Variants in CDH1 observed in about 807,000 individuals in gnomAD.
CDH1 encodes cadherin 1.
In CDH1, 35 loss-of-function variants were observed where a neutral mutation model predicts 84.5. The observed-to-expected ratio is 0.41, with a 90% CI of 0.32 to 0.55. CDH1 has a LOEUF of 0.55. Ranked by LOEUF, CDH1 falls within the 20% of genes least tolerant of loss-of-function variation. The pLI, the probability that CDH1 is intolerant of heterozygous loss-of-function variation, is 0.19. For synonymous variants in CDH1, 417 were observed against 439.0 expected (o/e 0.95, Z 0.63); for missense variants, 994 against 1,126.6 (o/e 0.88, Z 1.68).
At chr16:68,786,438 C>T (rs1481951863) in intron 2 of CDH1, among the ~76,000 whole-genome samples, 3 of 147,882 alleles carry the variant, frequency 2.0e-5, no homozygotes, top group African/African-American at 7.4e-5. Flanking sequence ...TCCCAAAGTG[C>T]GGGGATTACA....
intron 3 of CDH1, among the ~76,000 whole-genome samples, chr16:68,807,759 A>G (rs575405032): frequency 6.6e-6 from 1 of 152,298 alleles, no homozygotes; most frequent in Admixed American, 6.5e-5. Context: ...CTGATATTAA[A>G]TCATCAGAGT....
intron 2 of CDH1, among the ~76,000 whole-genome samples, chr16:68,775,736 A>C (rs1242266013): frequency 6.6e-6 from 1 of 152,232 alleles, no homozygotes; most frequent in Non-Finnish European, 1.5e-5. Flanking sequence ...AGCTGATGGT[A>C]TCAGCATGTT....
chr16:68,759,166 C>T (rs959412191), intron 2 of CDH1, among the ~76,000 whole-genome samples: 3 of 152,146 alleles, frequency 2.0e-5, no homozygotes, highest in African/African-American at 7.2e-5. Flanking sequence ...TCTCAAACTC[C>T]TCGGCTCGGG....
At chr16:68,771,216 C>CT (rs1279655886) in intron 2 of CDH1, 1 of 152,286 alleles carries the variant, frequency 6.6e-6, no homozygotes, top group African/African-American at 2.4e-5. Context: ...CACACCTACG[C>CT]TTTCCTACGC....
intron 13 of CDH1, among the ~76,000 whole-genome samples, chr16:68,824,053 A>T (rs1272164874): frequency 7.3e-6 from 1 of 137,752 alleles, no homozygotes; most frequent in Non-Finnish European, 1.5e-5. Flanking sequence ...GCTGGAGTGC[A>T]ATGGTGTGAT....
rs2152131995 is a variant in CDH1 at position 68,811,759 on chromosome 16, C to A, written c.908C>A (p.Thr303Asn). Residue 303 changes from threonine to asparagine, a missense_variant, in exon 7 of 16, where the codon ACC (threonine) becomes AAC (asparagine). By Grantham distance (65) the Thr-to-Asn change is moderately conservative (BLOSUM62 0). Transcript: ENST00000261769. The stretch of plus-strand genomic sequence containing the variant: ...ACCTACAATGCCGCCATCGCTTACA[C>A]CATCCTCAGCCAAGATCCTGAGCTC... ...VNTYNAAIAY[T>N]ILSQDPELPD... The A allele has an allele frequency of 6.2e-7, 1 of 1,614,112 alleles. No homozygotes were observed. The highest frequency in any genetic ancestry group is 8.5e-7 in the Non-Finnish European group (1 of 1,180,008).
intron 2 of CDH1, among the ~76,000 whole-genome samples, chr16:68,758,855 G>T (rs1963087789): frequency 6.6e-6 from 1 of 151,114 alleles, no homozygotes; most frequent in African/African-American, 2.4e-5. Context: ...GCCCAGACTG[G>T]TGCCATCTCG....
chr16:68,746,467 G>A (rs913132788), intron 2 of CDH1, among the ~76,000 whole-genome samples: 1 of 152,102 alleles, frequency 6.6e-6, no homozygotes, highest in Non-Finnish European at 1.5e-5. Context: ...GATATCTGCT[G>A]CCACTCAATG....
At chr16:68,821,641 G>A (rs1215877321) in intron 11 of CDH1, among the ~76,000 whole-genome samples, 1 of 152,142 alleles carries the variant, frequency 6.6e-6, no homozygotes, top group African/African-American at 2.4e-5. Flanking sequence ...TGGCAGGAAA[G>A]TGCAGAAAAA....
intron 2 of CDH1, among the ~76,000 whole-genome samples, chr16:68,796,750 C>G (rs1960372095): frequency 6.8e-6 from 1 of 146,840 alleles, no homozygotes; most frequent in Admixed American, 6.9e-5. Context: ...GTCATTCTTA[C>G]TAGTTTTTGT....
At chr16:68,823,759 T>C (rs1018730365) in intron 13 of CDH1, 133 bp downstream of exon 13, 1 of 661,042 alleles carries the variant, frequency 1.5e-6, no homozygotes, top group African/African-American at 1.8e-5. Flanking sequence ...TCCCAAGTTA[T>C]GCCAGCCTCC....
At chr16:68,829,828 G>A (rs1399832229) in intron 15 of CDH1, 31 bp downstream of exon 15, 3 of 1,607,820 alleles carry the variant, frequency 1.9e-6, no homozygotes, top group Non-Finnish European at 2.6e-6. Context: ...GCCAAAGCAT[G>A]GCTCATCTCT....
At chr16:68,789,604 C>T (rs1256444278) in intron 2 of CDH1, among the ~76,000 whole-genome samples, 1 of 151,796 alleles carries the variant, frequency 6.6e-6, no homozygotes, top group East Asian at 1.9e-4. Context: ...TTAACAGTTT[C>T]CCTTATAGTC....
chr16:68,756,429 T>G (rs914903746), intron 2 of CDH1, among the ~76,000 whole-genome samples: 5 of 152,114 alleles, frequency 3.3e-5, no homozygotes, highest in Non-Finnish European at 7.3e-5. Flanking sequence ...GGTAAGGTTT[T>G]TCAATATCAG....
Position 68,808,481 on chromosome 16 carries a change from C to G in CDH1, c.445C>G (p.Leu149Val), listed in dbSNP as rs876658781. Residue 149 changes from leucine to valine, a missense_variant, in exon 4 of 16, where the codon CTC becomes GTC. Around this residue, in one of 3 missense-constraint regions of CDH1, gnomAD observed 203 missense variants for 194.0 expected, o/e 1.05. Coordinates refer to ENST00000261769, the MANE Select transcript of CDH1 (RefSeq NM_004360.5). ...CACATTTCCCAACTCCTCTCCTGGC[C>G]TCAGAAGACAGAAGAGAGACTGGGT... is the stretch of plus-strand genomic sequence containing the variant. Reference protein sequence around the residue: ...LLTFPNSSPGLRRQKRDWVIP... With the variant: ...LLTFPNSSPGVRRQKRDWVIP... The G allele has an allele frequency of 6.2e-7, 1 of 1,613,956 alleles. No homozygotes were observed.
intron 2 of CDH1, among the ~76,000 whole-genome samples, chr16:68,743,351 CTTTCTTTCTTT>C (rs1272530104): frequency 9.1e-5 from 1 of 10,938 alleles, no homozygotes; most frequent in African/African-American, 2.7e-4. Context: ...TTCTTTCTTT[CTTTCTTTCTTT>C]CTTTTCTTTT....
At chr16:68,763,433 CT>C (rs1959283501) in intron 2 of CDH1, 1 of 152,190 alleles carries the variant, frequency 6.6e-6, no homozygotes, top group Admixed American at 6.6e-5. Flanking sequence ...CCATTGGCCC[CT>C]AGCCTCCTCC....
At chr16:68,786,540 T>C (rs954232289) in intron 2 of CDH1, among the ~76,000 whole-genome samples, 7 of 135,298 alleles carry the variant, frequency 5.2e-5, no homozygotes, top group South Asian at 2.5e-4. Flanking sequence ...TTTTCTTTTT[T>C]TTTTTTTTTT....
intron 2 of CDH1, among the ~76,000 whole-genome samples, chr16:68,739,510 C>T (rs1962502559): frequency 6.6e-6 from 1 of 151,986 alleles, no homozygotes; most frequent in African/African-American, 2.4e-5. Context: ...AAGGATCCTT[C>T]TGTCTCAGCC....
Sources: allele counts gnomAD v4.1 joint callset (sites outside exome capture counted in the v4.1 genomes callset), GRCh38; gene constraint gnomAD v4.1.1; regional missense constraint gnomAD v4.1.1; transcripts MANE v1.5; gene names NCBI Gene and HGNC (gene_info 2026-07-23, HGNC 2026-07-21).